Variants in TMEM132D observed in about 807,000 individuals in gnomAD.
TMEM132D encodes transmembrane protein 132D.
TMEM132D carries 21 observed loss-of-function variants against 62.3 expected under a neutral mutation model. That is an observed-to-expected ratio of 0.34 (90% CI 0.24 to 0.49). The LOEUF (loss-of-function observed/expected upper bound fraction) is 0.49. Ranked by LOEUF, TMEM132D falls within the 20% of genes least tolerant of loss-of-function variation. The pLI, the probability that TMEM132D is intolerant of heterozygous loss-of-function variation, is 0.99. For synonymous variants in TMEM132D, 621 were observed against 575.6 expected (o/e 1.08, Z -1.13); for missense variants, 1,346 against 1,402.8 (o/e 0.96, Z 0.65).
intron 4 of TMEM132D, among the ~76,000 whole-genome samples, chr12:129,219,032 C>G (rs1879284924): frequency 6.6e-6 from 1 of 152,154 alleles, no homozygotes; most frequent in Admixed American, 6.5e-5. Flanking sequence ...TGGGAATGGG[C>G]TCCCATGATG....
intron 4 of TMEM132D, among the ~76,000 whole-genome samples, chr12:129,236,104 TTGTGTGTGTG>T (rs71072452): frequency 3.4e-5 from 5 of 146,806 alleles, no homozygotes; most frequent in Non-Finnish European, 7.5e-5. Context: ...TGATGCTATT[TTGTGTGTGTG>T]TGTGTGTGTG....
In TMEM132D at chr12:129,287,005, G is replaced by A. The variant is rs111355562; in HGVS notation, c.1299+50629C>T. Among the ~76,000 whole-genome samples the A allele has an allele frequency of 3.3e-3, 492 of 151,234 alleles. 4 individuals are homozygous for A. The highest frequency in any genetic ancestry group is 0.011 in the African/African-American group (471 of 41,212). The stretch of plus-strand genomic sequence containing the variant: ...GGAGGTTGCAATGAGCTGAGATCAC[G>A]CCACTGTACTCCAGCCTGGGCAACA... On this transcript the variant is annotated intron_variant, in intron 4 of 8. Transcript: ENST00000422113.
chr12:129,430,121 C>T (rs532623989), intron 3 of TMEM132D, among the ~76,000 whole-genome samples: 217 of 152,230 alleles, frequency 1.4e-3, no homozygotes, highest in African/African-American at 3.3e-3. Flanking sequence ...CTGGGTCAAA[C>T]GGTATTTCTA....
At chr12:129,828,488 T>G (rs1161789513) in intron 1 of TMEM132D, among the ~76,000 whole-genome samples, 1 of 151,534 alleles carries the variant, frequency 6.6e-6, no homozygotes, top group Non-Finnish European at 1.5e-5. Flanking sequence ...GCAGTCTTCC[T>G]TCCCCTCCCA....
chr12:129,645,937 C>T (rs1165869230), intron 2 of TMEM132D, among the ~76,000 whole-genome samples: 1 of 152,122 alleles, frequency 6.6e-6, no homozygotes, highest in Non-Finnish European at 1.5e-5. Flanking sequence ...TCCAGGAACT[C>T]CCCTCCCTCC....
At chr12:129,431,679 A>G (rs1241602659) in intron 3 of TMEM132D, among the ~76,000 whole-genome samples, 3 of 152,102 alleles carry the variant, frequency 2.0e-5, no homozygotes, top group Non-Finnish European at 4.4e-5. Context: ...ACATCCATAT[A>G]TGAATTCTGA....
chr12:129,516,376 A>G (rs1875675113), intron 3 of TMEM132D, among the ~76,000 whole-genome samples: 1 of 152,176 alleles, frequency 6.6e-6, no homozygotes, highest in Non-Finnish European at 1.5e-5. Flanking sequence ...AGACATACCC[A>G]AGACTTGGTA....
chr12:129,605,138 C>T (rs920549445), intron 2 of TMEM132D, among the ~76,000 whole-genome samples: 1 of 151,998 alleles, frequency 6.6e-6, no homozygotes, highest in Non-Finnish European at 1.5e-5. Flanking sequence ...CATCATTGTT[C>T]CGGTTTCAGA....
intron 2 of TMEM132D, among the ~76,000 whole-genome samples, chr12:129,634,039 C>A (rs1879416274): frequency 6.6e-6 from 1 of 152,254 alleles, no homozygotes; most frequent in Admixed American, 6.5e-5. Context: ...TTATGGCTCT[C>A]AGAACCCAGC....
At chr12:129,437,853 T>C (rs1166471496) in intron 3 of TMEM132D, among the ~76,000 whole-genome samples, 1 of 151,726 alleles carries the variant, frequency 6.6e-6, no homozygotes, top group Non-Finnish European at 1.5e-5. Flanking sequence ...ACCCGTCATC[T>C]ACATTAGGTA....
At chr12:129,809,892 A>G (rs1280541555) in intron 1 of TMEM132D, among the ~76,000 whole-genome samples, 1 of 152,212 alleles carries the variant, frequency 6.6e-6, no homozygotes, top group Non-Finnish European at 1.5e-5. Flanking sequence ...GAGAAAAGAA[A>G]TATTTCTAGG....
chr12:129,831,653 C>T (rs1872836208), intron 1 of TMEM132D, among the ~76,000 whole-genome samples: 1 of 152,146 alleles, frequency 6.6e-6, no homozygotes, highest in Non-Finnish European at 1.5e-5. Context: ...CAATGATTAG[C>T]CTCCTGCTTC....
At chr12:129,478,671 A>G (rs1279199515) in intron 3 of TMEM132D, among the ~76,000 whole-genome samples, 1 of 152,108 alleles carries the variant, frequency 6.6e-6, no homozygotes. Context: ...TTGGTTTCAG[A>G]CTTGGCTAGG....
intron 4 of TMEM132D, among the ~76,000 whole-genome samples, chr12:129,326,463 A>G (rs1868914140): frequency 1.3e-5 from 2 of 152,244 alleles, no homozygotes; most frequent in African/African-American, 4.8e-5. Flanking sequence ...AAAAAAATCA[A>G]AAGAAGTACA....
intron 5 of TMEM132D, among the ~76,000 whole-genome samples, chr12:129,166,645 C>T (rs1415104008): frequency 2.0e-5 from 3 of 150,316 alleles, no homozygotes; most frequent in African/African-American, 7.4e-5. Context: ...TTACATAAAC[C>T]GCCAGGCCAT....
chr12:129,149,972 C>T (rs189821962), intron 5 of TMEM132D, among the ~76,000 whole-genome samples: 1 of 152,330 alleles, frequency 6.6e-6, no homozygotes, highest in Admixed American at 6.5e-5. Context: ...TGTCTGAAAC[C>T]TAATGTATGC....
chr12:129,200,426 C>G (rs1029880596), intron 5 of TMEM132D, among the ~76,000 whole-genome samples: 1 of 152,148 alleles, frequency 6.6e-6, no homozygotes, highest in African/African-American at 2.4e-5. Context: ...CCAGTCTGCT[C>G]CCTGAGAACT....
chr12:129,294,544 C>A (rs939040517), intron 4 of TMEM132D, among the ~76,000 whole-genome samples: 1 of 152,172 alleles, frequency 6.6e-6, no homozygotes, highest in Non-Finnish European at 1.5e-5. Context: ...AGAGGGCTAC[C>A]TTCAGTCTTC....
Position 129,758,711 on chromosome 12 carries a change from TC to T in TMEM132D, c.80-58014del, listed in dbSNP as rs533568032. Among the ~76,000 whole-genome samples, 411 of 152,306 alleles carry T rather than the reference TC, an allele frequency of 2.7e-3. 4 individuals carry two copies. Among genetic ancestry groups the T allele is most frequent in the African/African-American group, 9.4e-3 (389 of 41,570 alleles). The stretch of plus-strand genomic sequence containing the variant: ...TAAAATACTTCCAACCTAAATATTT[TC>T]TAAAGGGCTCCAGAATTAGGAGTAT... On this transcript the variant is annotated intron_variant, in intron 1 of 8. Transcript: ENST00000422113.
Sources: allele counts gnomAD v4.1 joint callset (sites outside exome capture counted in the v4.1 genomes callset), GRCh38; gene constraint gnomAD v4.1.1; transcripts MANE v1.5; gene names NCBI Gene and HGNC (gene_info 2026-07-23, HGNC 2026-07-21).